RIPK4: variants seen among roughly 807,000 people sequenced by gnomAD.
RIPK4 encodes the protein receptor interacting serine/threonine kinase 4.
In RIPK4, 17 loss-of-function variants were observed where a neutral mutation model predicts 42.9. That is an observed-to-expected ratio of 0.40 (90% CI 0.27 to 0.59). The LOEUF is 0.59. RIPK4 is among the 20% of genes least tolerant of loss of function. The probability of loss-of-function intolerance (pLI) is 0.47; values close to 1 mark genes in which losing one functional copy is unlikely to be tolerated. For synonymous variants in RIPK4, 498 were observed against 499.1 expected, an observed-to-expected ratio of 1.00 and a Z score of 0.03; for missense variants, 897 against 1,104.4, an observed-to-expected ratio of 0.81 and a Z score of 2.66.
chr21:41,743,670 A>C (rs2061161334), intron 7 of RIPK4, among the ~76,000 whole-genome samples: 1 of 152,178 alleles, frequency 6.6e-6, no homozygotes, highest in African/African-American at 2.4e-5. Flanking sequence ...CAGACTGGTG[A>C]TGTGGCCTGT....
At chr21:41,745,967 C>T in intron 5 of RIPK4, 105 bp from the exon 6 acceptor site, 1 of 978,108 alleles carries the variant, frequency 1.0e-6, no homozygotes, top group Non-Finnish European at 1.7e-6. Context: ...TTCTCACACG[C>T]CTCGGCCCAG....
Position 41,740,863 on chromosome 21 carries a change from G to T in RIPK4, c.2330C>A (p.Thr777Lys). The change falls in exon 8 of 8, where the codon ACG (threonine) becomes AAG (lysine). Residue 777 changes from threonine to lysine, a missense_variant. By Grantham distance (78) the Thr-to-Lys change is moderately conservative. Coordinates refer to ENST00000332512, the MANE Select transcript of RIPK4 (RefSeq NM_020639.3). ...CTAGGTCTTGCTTCGCCGCAGGAGC[G>T]TGGCGGCGGGGCCATGGCCGCCCTG... ...KFQGGHGPAATLLRRSKT is the reference protein window; with the variant it reads ...KFQGGHGPAAKLLRRSKT 1 of 1,609,736 alleles carries T rather than the reference G, an allele frequency of 6.2e-7. No individual in the cohort carries two copies. Among genetic ancestry groups the T allele is most frequent in the Non-Finnish European group, 8.5e-7 (1 of 1,178,502 alleles).
intron 1 of RIPK4, among the ~76,000 whole-genome samples, chr21:41,761,706 T>C (rs1023272501): frequency 6.6e-6 from 1 of 152,262 alleles, no homozygotes; most frequent in African/African-American, 2.4e-5. Flanking sequence ...CAAAGCTGAC[T>C]GATAATAAAC....
Position 41,740,502 on chromosome 21 carries a change from GGA to G in RIPK4, c.*334_*335del, listed in dbSNP as rs1483579528. ...CAGCAACCCAAGGTGGCTCGCCTCA[GGA>G]GAGAGTGGATGCTTCCACGCCTGGG... On this transcript the variant is annotated 3_prime_UTR_variant, in exon 8 of 8. Coordinates refer to ENST00000332512, the MANE Select transcript of RIPK4 (RefSeq NM_020639.3). The G allele has an allele frequency of 3.2e-6, 1 of 309,548 alleles. No homozygotes were observed. The highest frequency in any genetic ancestry group is 2.2e-5 in the African/African-American group (1 of 46,272). 19.2% of individuals were successfully genotyped at this position (309,548 alleles called of 1,614,324 possible).
At chr21:41,766,741 C>T (rs980624892) in intron 1 of RIPK4, 119 bp downstream of exon 1, 1 of 1,109,800 alleles carries the variant, frequency 9.0e-7, no homozygotes, top group Non-Finnish European at 1.3e-6. Context: ...TGGTTTCCCC[C>T]CCGAAGCTGC....
At chr21:41,752,109 C>T (rs559932440) in intron 2 of RIPK4, among the ~76,000 whole-genome samples, 2 of 152,318 alleles carry the variant, frequency 1.3e-5, no homozygotes, top group Non-Finnish European at 2.9e-5. Flanking sequence ...GTAACTCAGT[C>T]CCCTTTGAAG....
intron 1 of RIPK4, among the ~76,000 whole-genome samples, chr21:41,762,644 A>G (rs774097262): frequency 1.1e-4 from 17 of 152,372 alleles, no homozygotes; most frequent in Admixed American, 2.6e-4. Context: ...CTCGAAGCAC[A>G]GAAAGAACCC....
At position 41,739,925 on chromosome 21, in the gene RIPK4, A is replaced by C. The variant is rs1035261841; in HGVS notation, c.*913T>G. 1 of 152,210 alleles carries C rather than the reference A, an allele frequency of 6.6e-6. No homozygotes were observed. Among genetic ancestry groups the C allele is most frequent in the Non-Finnish European group, 1.5e-5 (1 of 68,034 alleles). The allele number at this position is 152,210 out of a possible 1,614,324, so 9.4% of individuals were successfully genotyped here. ...GGTAATACTATGTAATTTTATCTTC[A>C]TACTGCGTGTGGAGATAAAAAACAC... On this transcript the variant is annotated 3_prime_UTR_variant, in exon 8 of 8. Transcript: ENST00000332512.
At chr21:41,750,607 C>A (rs1434695928) in intron 3 of RIPK4, among the ~76,000 whole-genome samples, 2 of 152,172 alleles carry the variant, frequency 1.3e-5, no homozygotes, top group Non-Finnish European at 2.9e-5. Context: ...TCCTCCTTGG[C>A]TAGCAACACT....
intron 4 of RIPK4, 56 bp from the exon 5 acceptor site, chr21:41,746,827 A>C: frequency 7.0e-5 from 106 of 1,515,388 alleles, no homozygotes; most frequent in Non-Finnish European, 8.5e-5. Flanking sequence ...GCAGCATCTC[A>C]CCCTTGGGAG....
chr21:41,743,879 C>A lies in RIPK4; in HGVS notation c.1195+3G>T. 1 of 1,590,806 alleles carries A rather than the reference C, an allele frequency of 6.3e-7. No homozygotes were observed. On this transcript the variant is annotated splice_donor_region_variant and intron_variant, in intron 7 of 7. Coordinates refer to ENST00000332512, the MANE Select transcript of RIPK4 (RefSeq NM_020639.3). ...CTCGGGACACAGAGGCGTCCCCACTCACCGCTGGTTGAAGGTTCCCGCTCA... is the reference window on the plus strand; with the variant it reads ...CTCGGGACACAGAGGCGTCCCCACTAACCGCTGGTTGAAGGTTCCCGCTCA...
At chr21:41,746,275 C>CGCCGCCG (rs1197543484) in intron 5 of RIPK4, 2 of 577,624 alleles carry the variant, frequency 3.5e-6, no homozygotes, top group Non-Finnish European at 6.3e-6. Flanking sequence ...AGAAGGGCGA[C>CGCCGCCG]GCCGCCGGCC....
At chr21:41,761,091 C>T (rs567542237) in intron 1 of RIPK4, among the ~76,000 whole-genome samples, 12 of 152,330 alleles carry the variant, frequency 7.9e-5, no homozygotes, top group African/African-American at 2.2e-4. Flanking sequence ...GCTCTGGGAC[C>T]CATCAAGGGA....
chr21:41,766,585 CGAGGAGCCCCA>C lies in RIPK4; in HGVS notation c.182+264_182+274del, dbSNP rs566164426. On this transcript the variant is annotated intron_variant, in intron 1 of 7. Transcript: ENST00000332512. ...AGGACGTCCGGGCAGACGCGGCCCCCGAGGAGCCCCAGAGGAGCCCCAGAGGAGCCGCCTGA... is the reference window on the plus strand; with the variant it reads ...AGGACGTCCGGGCAGACGCGGCCCCCGAGGAGCCCCAGAGGAGCCGCCTGA... 0.051 allele frequency among the ~76,000 whole-genome samples: 7,712 copies of C among 152,116 alleles called. 583 individuals carry two copies. The highest frequency in any genetic ancestry group is 0.17 in the African/African-American group (6,933 of 41,474).
intron 2 of RIPK4, among the ~76,000 whole-genome samples, chr21:41,752,839 G>A (rs568769616): frequency 2.9e-4 from 44 of 152,230 alleles, no homozygotes; most frequent in African/African-American, 9.9e-4. Context: ...AGGGGAAGAG[G>A]GAAGGGAGAG....
In RIPK4 at chr21:41,746,399, G is replaced by A. The variant is rs73906703; in HGVS notation, c.832+214C>T. On this transcript the variant is annotated intron_variant, in intron 5 of 7. Coordinates refer to ENST00000332512, the MANE Select transcript of RIPK4 (RefSeq NM_020639.3). ...GGTGGGGAGCAGGGGGCGGATGGTT[G>A]GAGGCAACTCAGTTCCAGCTGCCGT... Among the ~76,000 whole-genome samples the A allele has an allele frequency of 0.014, 2,121 of 152,366 alleles. 55 individuals carry two copies. The highest frequency in any genetic ancestry group is 0.049 in the African/African-American group (2,023 of 41,580).
intron 4 of RIPK4, among the ~76,000 whole-genome samples, chr21:41,748,119 G>A (rs1287255937): frequency 6.6e-6 from 1 of 152,172 alleles, no homozygotes; most frequent in Non-Finnish European, 1.5e-5. Context: ...GGCGACAGGC[G>A]GTCAGACAAC....
chr21:41,754,102 A>C (rs1389351350), intron 2 of RIPK4, among the ~76,000 whole-genome samples: 1 of 152,136 alleles, frequency 6.6e-6, no homozygotes, highest in Admixed American at 6.5e-5. Context: ...GCAGCACTGG[A>C]ATGGCAACTT....
chr21:41,747,801 T>C (rs1294029739), intron 4 of RIPK4, among the ~76,000 whole-genome samples: 1 of 152,228 alleles, frequency 6.6e-6, no homozygotes, highest in Non-Finnish European at 1.5e-5. Context: ...CTGGAAAAGC[T>C]GGGGAGAGGC....
Sources: allele counts gnomAD v4.1 joint callset (sites outside exome capture counted in the v4.1 genomes callset), GRCh38; gene constraint gnomAD v4.1.1; transcripts MANE v1.5; gene names NCBI Gene and HGNC (gene_info 2026-07-23, HGNC 2026-07-21).